Variants in PCDHGB4 observed in about 807,000 individuals in gnomAD.
PCDHGB4 encodes the protein protocadherin gamma subfamily B, 4.
PCDHGB4 carries 38 observed loss-of-function variants against 60.5 expected under a neutral mutation model. The observed-to-expected ratio is 0.63, with a 90% CI of 0.48 to 0.82. PCDHGB4 has a LOEUF of 0.82. Among genes scored for constraint, PCDHGB4 ranks in the 40% least tolerant of loss-of-function variants. The pLI, the probability that PCDHGB4 is intolerant of heterozygous loss-of-function variation, is 0.00. For missense variants in PCDHGB4, 1,109 were observed against 1,209.6 expected (o/e 0.92, Z 1.23); for synonymous variants, 456 against 509.7 (o/e 0.89, Z 1.42).
At chr5:141,441,848 T>C (rs1034278597) in intron 1 of PCDHGB4, 2 of 356,906 alleles carry the variant, frequency 5.6e-6, no homozygotes, top group South Asian at 2.4e-5. Context: ...CTCTTGGATA[T>C]GGTGCTGCAC....
chr5:141,410,086 G>A (rs759204005), intron 1 of PCDHGB4: 3 of 1,612,588 alleles, frequency 1.9e-6, no homozygotes, highest in Non-Finnish European at 2.5e-6. Flanking sequence ...AGGTGCGCAC[G>A]GCTCGAGCCT....
intron 1 of PCDHGB4, chr5:141,415,055 C>T (rs767474996): frequency 6.2e-7 from 1 of 1,613,400 alleles, no homozygotes; most frequent in African/African-American, 1.3e-5. Flanking sequence ...GGGGAGCACA[C>T]GGGCGAGGTG....
chr5:141,403,489 C>T (rs187216481), intron 1 of PCDHGB4: 2 of 1,614,050 alleles, frequency 1.2e-6, no homozygotes, highest in East Asian at 2.2e-5. Flanking sequence ...ACCACTTCTC[C>T]CTGAACGTGC....
At chr5:141,422,963 C>A (rs372620011) in intron 1 of PCDHGB4, 1 of 1,614,120 alleles carries the variant, frequency 6.2e-7, no homozygotes, top group Non-Finnish European at 8.5e-7. Flanking sequence ...GTGGAGCTGG[C>A]GCCCCGCTCT....
intron 1 of PCDHGB4, among the ~76,000 whole-genome samples, chr5:141,448,838 T>C (rs2098609981): frequency 6.6e-6 from 1 of 151,802 alleles, no homozygotes; most frequent in Non-Finnish European, 1.5e-5. Flanking sequence ...CCAGCTACTC[T>C]GGAGGCTGAG....
intron 2 of PCDHGB4, among the ~76,000 whole-genome samples, chr5:141,497,832 G>A (rs1326640712): frequency 1.3e-5 from 2 of 151,992 alleles, no homozygotes; most frequent in Non-Finnish European, 2.9e-5. Context: ...GATCGCCCCC[G>A]GCCACAACAA....
intron 1 of PCDHGB4, among the ~76,000 whole-genome samples, chr5:141,445,793 CAG>C (rs1466260011): frequency 6.6e-6 from 1 of 152,132 alleles, no homozygotes; most frequent in Admixed American, 6.5e-5. Context: ...AGGCTAGAAA[CAG>C]AAAATAAATA....
At position 141,486,464 on chromosome 5, in the gene PCDHGB4, G is replaced by A; in HGVS notation, c.2398-8343G>A. The A allele has an allele frequency of 1.2e-6, 2 of 1,614,034 alleles. No homozygotes were observed. Among genetic ancestry groups the A allele is most frequent in the Non-Finnish European group, 1.7e-6 (2 of 1,179,946 alleles). On this transcript the variant is annotated intron_variant, in intron 1 of 3. Transcript: ENST00000519479. This position sits in a 1 kb window ranked among gnomAD's most constrained non-coding sequence, Gnocchi z 5.0. ...CATCATGGTCACTGCTTCTGATGCTGGGAACCCTCCTCTCAGTACCCACAG... is the reference window on the plus strand; with the variant it reads ...CATCATGGTCACTGCTTCTGATGCTAGGAACCCTCCTCTCAGTACCCACAG...
At position 141,490,982 on chromosome 5, in the gene PCDHGB4, G is replaced by T; in HGVS notation, c.2398-3825G>T. ...CACTCAGCCCCCCAGCGTCTCCCTC[G>T]CTCTGCTCCTCCTGGCTCCTTGGTC... On this transcript the variant is annotated intron_variant, in intron 1 of 3. Coordinates refer to ENST00000519479, the MANE Select transcript of PCDHGB4 (RefSeq NM_003736.4). This position sits in a 1 kb window ranked among gnomAD's most constrained non-coding sequence, Gnocchi z 5.4. 1.2e-6 allele frequency: 2 copies of T among 1,613,994 alleles called. No individual in the cohort carries two copies. The highest frequency in any genetic ancestry group is 1.7e-6 in the Non-Finnish European group (2 of 1,180,002).
chr5:141,418,007 C>G (rs1561770675), intron 1 of PCDHGB4: 1 of 1,613,904 alleles, frequency 6.2e-7, no homozygotes, highest in Non-Finnish European at 8.5e-7. Flanking sequence ...GGTGGGGAAC[C>G]TCGCTAAGGA....
At position 141,432,117 on chromosome 5, in the gene PCDHGB4, C is replaced by G. The variant is rs761106133; in HGVS notation, c.2397+41836C>G. The G allele has an allele frequency of 6.2e-7, 1 of 1,614,062 alleles. No homozygotes were observed. The highest frequency in any genetic ancestry group is 8.5e-7 in the Non-Finnish European group (1 of 1,180,048). ...ACCAACGACAACCCGCCGGTCTTCC[C>G]TCAGGCCTCCTATTCCGCTTATATC... is the stretch of plus-strand genomic sequence containing the variant. On this transcript the variant is annotated intron_variant, in intron 1 of 3. Transcript: ENST00000519479. The surrounding 1 kb of genome is among the most constrained non-coding windows in gnomAD (Gnocchi z 6.0).
chr5:141,498,265 T>G (rs2099782779), intron 2 of PCDHGB4, among the ~76,000 whole-genome samples: 2 of 152,010 alleles, frequency 1.3e-5, no homozygotes, highest in Non-Finnish European at 2.9e-5. Context: ...TGTTGAGTTC[T>G]TCAGTAAACT....
Position 141,511,201 on chromosome 5 carries a change from G to A in PCDHGB4, c.*28G>A, listed in dbSNP as rs2099883661. On this transcript the variant is annotated 3_prime_UTR_variant, in exon 4 of 4. Transcript: ENST00000519479. ...TGGAGGCCAGGCCAAGAGCCACAGG[G>A]CGGCCTCTCCCCAACCAGCCCAGCT... 2 of 1,612,600 alleles carry A rather than the reference G, an allele frequency of 1.2e-6. No homozygotes were observed. The highest frequency in any genetic ancestry group is 1.7e-6 in the Non-Finnish European group (2 of 1,179,344).
At chr5:141,399,947 C>G in intron 1 of PCDHGB4, 1 of 1,612,228 alleles carries the variant, frequency 6.2e-7, no homozygotes. Context: ...GTGCTGCAGG[C>G]TAGCGAGCCC....
Position 141,415,740 on chromosome 5 carries a change from G to T in PCDHGB4, c.2397+25459G>T, listed in dbSNP as rs866795513. 9.4e-4 allele frequency: 585 copies of T among 624,884 alleles called. 4 individuals carry two copies. The highest frequency in any genetic ancestry group is 8.0e-3 in the African/African-American group (318 of 39,862). 38.7% of individuals were successfully genotyped at this position (624,884 alleles called of 1,614,324 possible). A position where few individuals can be genotyped will look rare whatever the true frequency, so the allele number is the denominator to read the frequency against. The stretch of plus-strand genomic sequence containing the variant: ...TGAGTAGAATTTGATGTTTATTAAG[G>T]TTTTTTTTTTTTTTTTTTTTTTTTT... On this transcript the variant is annotated intron_variant, in intron 1 of 3. Coordinates refer to ENST00000519479, the MANE Select transcript of PCDHGB4 (RefSeq NM_003736.4).
chr5:141,487,304 C>T lies in PCDHGB4; in HGVS notation c.2398-7503C>T. The T allele has an allele frequency of 6.2e-7, 1 of 1,614,190 alleles. No homozygotes were observed. The highest frequency in any genetic ancestry group is 8.5e-7 in the Non-Finnish European group (1 of 1,180,042). On this transcript the variant is annotated intron_variant, in intron 1 of 3. Transcript: ENST00000519479. This position sits in a 1 kb window ranked among gnomAD's most constrained non-coding sequence, Gnocchi z 5.0. ...TGTCTCCTTTGGCTCATTCGTGGCA[C>T]TACTCTCTAAGTGTCTTCGTGGGGC...
chr5:141,505,190 G>A (rs1326515866), intron 2 of PCDHGB4, among the ~76,000 whole-genome samples: 1 of 152,186 alleles, frequency 6.6e-6, no homozygotes, highest in East Asian at 1.9e-4. Flanking sequence ...ATCGGAGGCA[G>A]CAAAGAGCTG....
At chr5:141,407,615 A>T (rs780052436) in intron 1 of PCDHGB4, among the ~76,000 whole-genome samples, 2 of 152,140 alleles carry the variant, frequency 1.3e-5, no homozygotes, top group Non-Finnish European at 2.9e-5. Context: ...GCATTGGTTG[A>T]CATTCTATAT....
intron 1 of PCDHGB4, chr5:141,395,652 A>C (rs2093296938): frequency 6.0e-6 from 1 of 165,528 alleles, no homozygotes; most frequent in Admixed American, 6.1e-5. Context: ...TTAGCTTAGC[A>C]AAAGTAAAAT....
Sources: gnomAD v4.1 joint callset for allele counts (sites outside exome capture counted in the v4.1 genomes callset) on GRCh38, gnomAD v4.1.1 for gene constraint, Gnocchi (gnomAD v3.1) non-coding constraint, MANE v1.5 for transcripts, NCBI Gene and HGNC (gene_info 2026-07-23, HGNC 2026-07-21) for gene names.